Variants in ADAMTS19 observed in about 807,000 individuals in gnomAD.
ADAMTS19 encodes the protein ADAM metallopeptidase with thrombospondin type 1 motif 19.
A neutral mutation model predicts 153.3 loss-of-function variants in ADAMTS19; 93 were observed. The observed-to-expected ratio is 0.61, with a 90% CI of 0.51 to 0.72. ADAMTS19 has a LOEUF of 0.72. ADAMTS19 is among the 30% of genes least tolerant of loss of function. The pLI is 0.00. For synonymous variants in ADAMTS19, 600 were observed against 556.6 expected, an observed-to-expected ratio of 1.08 and a Z score of -1.10; for missense variants, 1,482 against 1,552.1, an observed-to-expected ratio of 0.95 and a Z score of 0.76.
chr5:129,628,905 C>G (rs1468989395), intron 10 of ADAMTS19, among the ~76,000 whole-genome samples: 1 of 152,056 alleles, frequency 6.6e-6, no homozygotes, highest in Non-Finnish European at 1.5e-5. Context: ...TGTAAGTACA[C>G]TCAACAATGT....
intron 7 of ADAMTS19, among the ~76,000 whole-genome samples, chr5:129,591,290 T>C (rs1048064867): frequency 6.6e-6 from 1 of 151,258 alleles, no homozygotes; most frequent in Non-Finnish European, 1.5e-5. Flanking sequence ...ATTTTAAAAT[T>C]ACACTTTTTT....
chr5:129,627,776 G>T (rs1011756413), intron 10 of ADAMTS19, among the ~76,000 whole-genome samples: 1 of 151,832 alleles, frequency 6.6e-6, no homozygotes, highest in Non-Finnish European at 1.5e-5. Context: ...GCTATTATTA[G>T]AAAATCAAAA....
intron 21 of ADAMTS19, among the ~76,000 whole-genome samples, chr5:129,709,962 C>CT (rs555829688): frequency 0.031 from 4,417 of 143,812 alleles, 98 homozygotes; most frequent in Middle Eastern, 0.047. Flanking sequence ...CCTCTATTTT[C>CT]TTTTTTTTTT....
rs761654462 is a variant in ADAMTS19, at chr5:129,461,750, G to A, written c.740G>A (p.Gly247Asp). 3 of 1,496,870 alleles carry A rather than the reference G, an allele frequency of 2.0e-6. No homozygotes were observed. In the East Asian group the frequency reaches 7.7e-5, roughly 38 times the overall value. The allele number at this position is 1,496,870 out of a possible 1,614,324, so 92.7% of individuals were successfully genotyped here. The change falls in exon 2 of 23, where the codon GGT becomes GAT. Residue 247 changes from glycine to aspartate, a missense_variant. By Grantham distance (94) the Gly-to-Asp change is moderately conservative (BLOSUM62 -1). This residue lies in a region of ADAMTS19 where 866 missense variants were observed against 827.7 expected (regional missense o/e 1.05). Transcript: ENST00000274487. This position sits in a 1 kb window ranked among gnomAD's most constrained non-coding sequence, Gnocchi z 4.6. ...CTGGCTTCTTTCAGCACCTGTGGAGGTGGCCTGGTAAGCGCCTTCTTTCCC... is the reference window on the plus strand; with the variant it reads ...CTGGCTTCTTTCAGCACCTGTGGAGATGGCCTGGTAAGCGCCTTCTTTCCC... Reference protein sequence around the residue: ...GSLASFSTCGGGLMGFIQLNE... With the variant: ...GSLASFSTCGDGLMGFIQLNE...
intron 7 of ADAMTS19, among the ~76,000 whole-genome samples, chr5:129,576,501 G>A (rs1754105836): frequency 6.6e-6 from 1 of 151,294 alleles, no homozygotes; most frequent in Non-Finnish European, 1.5e-5. Context: ...TTTCTCATAA[G>A]TTTCTATTTC....
chr5:129,495,526 TGAG>T (rs1167390973), intron 2 of ADAMTS19, among the ~76,000 whole-genome samples: 1 of 152,116 alleles, frequency 6.6e-6, no homozygotes, highest in Non-Finnish European at 1.5e-5. Context: ...ATAGTTATGG[TGAG>T]GAAGCATTCT....
chr5:129,568,328 TA>T (rs1208780355), intron 7 of ADAMTS19, among the ~76,000 whole-genome samples: 1 of 151,278 alleles, frequency 6.6e-6, no homozygotes. Flanking sequence ...TGATGTATAG[TA>T]GATTTAATAC....
Position 129,628,440 on chromosome 5 carries a change from C to T in ADAMTS19, c.1770+6092C>T, listed in dbSNP as rs569525152. ...CCTATATAGCAAACCTGTAATATAC[C>T]CCTGAACTTAAAATTAAAGTATAAA... On this transcript the variant is annotated intron_variant, in intron 10 of 22. Coordinates refer to ENST00000274487, the MANE Select transcript of ADAMTS19 (RefSeq NM_133638.6). Among the ~76,000 whole-genome samples the T allele has an allele frequency of 3.3e-5, 5 of 150,458 alleles. No homozygotes were observed. In the East Asian group the frequency reaches 9.7e-4, roughly 29 times the overall value.
intron 2 of ADAMTS19, among the ~76,000 whole-genome samples, chr5:129,465,025 T>G (rs1175609259): frequency 1.3e-5 from 2 of 152,118 alleles, no homozygotes; most frequent in African/African-American, 4.8e-5. Context: ...CAACCTAACT[T>G]GCCAGTTACC....
intron 20 of ADAMTS19, among the ~76,000 whole-genome samples, chr5:129,702,600 G>T (rs914760246): frequency 6.6e-6 from 1 of 151,848 alleles, no homozygotes; most frequent in Non-Finnish European, 1.5e-5. Flanking sequence ...ACTATTCTAG[G>T]TTATACTGTT....
chr5:129,485,049 A>C (rs1378131476), intron 2 of ADAMTS19, among the ~76,000 whole-genome samples: 1 of 152,176 alleles, frequency 6.6e-6, no homozygotes, highest in African/African-American at 2.4e-5. Flanking sequence ...CAATTAAAGA[A>C]AATTTTATAT....
At chr5:129,713,874 C>G (rs995951941) in intron 21 of ADAMTS19, among the ~76,000 whole-genome samples, 3 of 151,968 alleles carry the variant, frequency 2.0e-5, no homozygotes, top group African/African-American at 7.3e-5. Context: ...ACTCCAGCAT[C>G]TACACAACCA....
chr5:129,478,552 T>C (rs1750302422), intron 2 of ADAMTS19, among the ~76,000 whole-genome samples: 1 of 152,126 alleles, frequency 6.6e-6, no homozygotes, highest in African/African-American at 2.4e-5. Context: ...CTTTTTTTGT[T>C]TGTTTGTTTT....
At chr5:129,734,689 C>G (rs1757589206) in intron 21 of ADAMTS19, among the ~76,000 whole-genome samples, 1 of 151,982 alleles carries the variant, frequency 6.6e-6, no homozygotes, top group African/African-American at 2.4e-5. Flanking sequence ...CTTTATCCTT[C>G]TTTACTCTTA....
At chr5:129,712,719 T>C (rs1756538109) in intron 21 of ADAMTS19, among the ~76,000 whole-genome samples, 1 of 152,148 alleles carries the variant, frequency 6.6e-6, no homozygotes. Context: ...TTGGCTGATA[T>C]GATCGATCAG....
intron 2 of ADAMTS19, among the ~76,000 whole-genome samples, chr5:129,473,357 A>C (rs1446823185): frequency 6.6e-6 from 1 of 152,152 alleles, no homozygotes; most frequent in Non-Finnish European, 1.5e-5. Flanking sequence ...TTACCAACAA[A>C]TATGTTAGTC....
chr5:129,540,790 T>C (rs2126798314), intron 6 of ADAMTS19, among the ~76,000 whole-genome samples: 1 of 152,168 alleles, frequency 6.6e-6, no homozygotes, highest in Non-Finnish European at 1.5e-5. Flanking sequence ...TTTCATTTTT[T>C]TCAACATAAA....
chr5:129,690,261 G>A (rs984567089), intron 18 of ADAMTS19, among the ~76,000 whole-genome samples: 8 of 152,262 alleles, frequency 5.3e-5, no homozygotes, highest in South Asian at 4.1e-4. Context: ...GATATACCTC[G>A]GTGCAAAGGC....
rs946154195 is a variant in ADAMTS19 at position 129,581,632 on chromosome 5, G to C, written c.1373-14927G>C. ...TCTGCTCTGATCTTAGTTATTTCTT[G>C]TCTTCTGCTAGCTTTTGAATTTGTT... On this transcript the variant is annotated intron_variant, in intron 7 of 22. Coordinates refer to ENST00000274487, the MANE Select transcript of ADAMTS19 (RefSeq NM_133638.6). 3.3e-5 allele frequency among the ~76,000 whole-genome samples: 5 copies of C among 150,512 alleles called. No individual in the cohort carries two copies. The South Asian group carries it at 1.0e-3, about 31-fold the overall frequency.
Sources: allele counts gnomAD v4.1 joint callset (sites outside exome capture counted in the v4.1 genomes callset), GRCh38; gene constraint gnomAD v4.1.1; regional missense constraint gnomAD v4.1.1; non-coding constraint Gnocchi (gnomAD v3.1); transcripts MANE v1.5; gene names NCBI Gene and HGNC (gene_info 2026-07-23, HGNC 2026-07-21).